CAPN5: variants seen among roughly 807,000 people sequenced by gnomAD.
CAPN5 encodes the protein calpain 5.
A neutral mutation model predicts 73.0 loss-of-function variants in CAPN5; 54 were observed. The ratio of observed to expected loss-of-function variants is 0.74; its 90% confidence interval spans 0.59 to 0.93. The LOEUF is 0.93. Among genes scored for constraint, CAPN5 ranks in the 40% least tolerant of loss-of-function variants. The probability of loss-of-function intolerance (pLI) is 0.00; values close to 1 mark genes in which losing one functional copy is unlikely to be tolerated. For synonymous variants in CAPN5, 335 were observed against 356.9 expected, an observed-to-expected ratio of 0.94 and a Z score of 0.69; for missense variants, 785 against 882.9, an observed-to-expected ratio of 0.89 and a Z score of 1.41.
In CAPN5 at chr11:77,120,873, T is replaced by C; in HGVS notation, c.1451T>C (p.Leu484Pro). Reference protein sequence around the residue: ...TFEPGHTGEFLLRVFTDVPSN... With the variant: ...TFEPGHTGEFPLRVFTDVPSN... ...GAGCCAGGCCACACTGGCGAGTTCC[T>C]GCTCCGAGTCTTCACTGATGTGCCC... Residue 484 changes from leucine (L) to proline (P), a missense_variant, in exon 10 of 13, where the codon CTG becomes CCG. Transcript: ENST00000648180. 6.2e-7 allele frequency: 1 copy of C among 1,614,114 alleles called. No homozygotes were observed. The highest frequency in any genetic ancestry group is 8.5e-7 in the Non-Finnish European group (1 of 1,179,968).
intron 1 of CAPN5, chr11:77,073,110 G>A (rs1555033369): frequency 1.6e-6 from 2 of 1,289,808 alleles, no homozygotes; most frequent in South Asian, 2.5e-5. Context: ...TTCTCTGCAG[G>A]ACCTGGTGCT....
intron 2 of CAPN5, among the ~76,000 whole-genome samples, chr11:77,089,154 G>A (rs1439733966): frequency 6.6e-6 from 1 of 152,220 alleles, no homozygotes; most frequent in Non-Finnish European, 1.5e-5. Context: ...GAAACCTAGA[G>A]AGTGTGGACA....
At chr11:77,099,727 CGGAGAGGGAGAG>C (rs1331663093) in intron 3 of CAPN5, among the ~76,000 whole-genome samples, 11 of 98,754 alleles carry the variant, frequency 1.1e-4, no homozygotes, top group Admixed American at 4.0e-4. Context: ...GAGAGGGAGA[CGGAGAGGGAGAG>C]GGAGAGGGAG....
chr11:77,123,728 A>T lies in CAPN5; in HGVS notation c.1781A>T (p.Gln594Leu), dbSNP rs533673242. The change falls in exon 13 of 13, where the codon CAG (glutamine) becomes CTG (leucine). Residue 594 changes from glutamine (Q) to leucine (L), a missense_variant. Coordinates refer to ENST00000648180, the MANE Select transcript of CAPN5 (RefSeq NM_004055.5). ...HRVLKDEFLGQVHLKADPDNL... is the reference protein window; with the variant it reads ...HRVLKDEFLGLVHLKADPDNL... ...GTGCTGAAGGATGAATTTCTGGGCC[A>T]GGTGCACCTAAAGGCTGACCCGGAC... 241 of 1,613,690 alleles carry T rather than the reference A, an allele frequency of 1.5e-4. 2 individuals are homozygous for T. The South Asian group carries it at 2.5e-3, about 17-fold the overall frequency.
chr11:77,081,736 G>A (rs891080617), intron 1 of CAPN5, among the ~76,000 whole-genome samples: 13 of 152,304 alleles, frequency 8.5e-5, no homozygotes, highest in South Asian at 4.1e-4. Context: ...ATGTGCTAGG[G>A]CTACAGTCTG....
chr11:77,070,642 T>G (rs1949894098), intron 1 of CAPN5, among the ~76,000 whole-genome samples: 1 of 152,238 alleles, frequency 6.6e-6, no homozygotes, highest in Non-Finnish European at 1.5e-5. Flanking sequence ...AGCATATTCC[T>G]TTCCTATCAC....
chr11:77,080,208 A>G lies in CAPN5; in HGVS notation c.-35-4644A>G, dbSNP rs376991142. Among the ~76,000 whole-genome samples, 27 of 152,268 alleles carry G rather than the reference A, an allele frequency of 1.8e-4. No individual in the cohort carries two copies. The East Asian group carries it at 5.2e-3, about 29-fold the overall frequency. On this transcript the variant is annotated intron_variant, in intron 1 of 12. Coordinates refer to ENST00000648180, the MANE Select transcript of CAPN5 (RefSeq NM_004055.5). ...ACTTTCTATTCTGTTCCACTGTTCTATAAGACAGTGCCCAGTGAGCTTTGT... is the reference window on the plus strand; with the variant it reads ...ACTTTCTATTCTGTTCCACTGTTCTGTAAGACAGTGCCCAGTGAGCTTTGT...
chr11:77,075,023 C>T (rs983935602), intron 1 of CAPN5, among the ~76,000 whole-genome samples: 3 of 152,202 alleles, frequency 2.0e-5, no homozygotes, highest in Non-Finnish European at 4.4e-5. Flanking sequence ...TTTTCTAGTC[C>T]GTTTCCCATG....
intron 3 of CAPN5, 50 bp from the exon 4 acceptor site, chr11:77,112,539 G>A: frequency 7.0e-7 from 1 of 1,436,600 alleles, no homozygotes; most frequent in Non-Finnish European, 9.8e-7. Flanking sequence ...CAGGAAGCCG[G>A]ACATCCCCTC....
chr11:77,073,775 A>G lies in CAPN5; in HGVS notation c.-36+6681A>G, dbSNP rs992581174. 2.0e-5 allele frequency among the ~76,000 whole-genome samples: 3 copies of G among 152,212 alleles called. No individual in the cohort carries two copies. The East Asian group carries it at 5.8e-4, about 29-fold the overall frequency. On this transcript the variant is annotated intron_variant, in intron 1 of 12. Coordinates refer to ENST00000648180, the MANE Select transcript of CAPN5 (RefSeq NM_004055.5). ...GGAAGGAGAGGGGAGGGGAGGAAAT[A>G]GACAGGATTTCCCAGCCCTGGTGCC...
intron 3 of CAPN5, among the ~76,000 whole-genome samples, chr11:77,109,237 G>T (rs1950385869): frequency 6.6e-6 from 1 of 152,204 alleles, no homozygotes; most frequent in African/African-American, 2.4e-5. Flanking sequence ...ATTGTAAAAT[G>T]CTGGTGGTCT....
At position 77,122,069 on chromosome 11, in the gene CAPN5, GT is replaced by G. The variant is rs1565280903; in HGVS notation, c.1603+21del. The G allele has an allele frequency of 7.0e-7, 1 of 1,435,756 alleles. No homozygotes were observed. 88.9% of individuals were successfully genotyped at this position (1,435,756 alleles called of 1,614,324 possible). Reference sequence around the variant, plus strand: ...CAACAGGTGAGCTCTCCCAGGGAGAGTCCCCCGGCCCTCCTGCCAGTTGTCC... The same window carrying G: ...CAACAGGTGAGCTCTCCCAGGGAGAGCCCCCGGCCCTCCTGCCAGTTGTCC... On this transcript the variant is annotated intron_variant, in intron 11 of 12. Coordinates refer to ENST00000648180, the MANE Select transcript of CAPN5 (RefSeq NM_004055.5).
At chr11:77,121,487 G>A (rs1950520020) in intron 10 of CAPN5, among the ~76,000 whole-genome samples, 1 of 152,290 alleles carries the variant, frequency 6.6e-6, no homozygotes, top group Non-Finnish European at 1.5e-5. Context: ...CCAGAGCCAG[G>A]AGGCAGCTTG....
chr11:77,115,643 G>A (rs934728511), intron 6 of CAPN5, 55 bp downstream of exon 6: 9 of 1,476,270 alleles, frequency 6.1e-6, no homozygotes, highest in Middle Eastern at 2.4e-4. Context: ...GGACAAGGAC[G>A]GGTGGGCTTC....
intron 9 of CAPN5, 59 bp from the exon 10 acceptor site, chr11:77,120,654 T>A (rs1555042588): frequency 4.2e-6 from 5 of 1,178,844 alleles, no homozygotes; most frequent in Non-Finnish European, 4.8e-6. Flanking sequence ...GGAGGCGGGG[T>A]GGGCCAGGGT....
rs150264449 is a variant in CAPN5, at chr11:77,114,987, C to T, written c.700-408C>T. ...CTGAGGCAGGAGAATTGCTTGAACCCGGGAGGCAGAAATTGTGGTGAGCCA... is the reference window on the plus strand; with the variant it reads ...CTGAGGCAGGAGAATTGCTTGAACCTGGGAGGCAGAAATTGTGGTGAGCCA... On this transcript the variant is annotated intron_variant, in intron 5 of 12. Coordinates refer to ENST00000648180, the MANE Select transcript of CAPN5 (RefSeq NM_004055.5). 7.6e-3 allele frequency among the ~76,000 whole-genome samples: 1,151 copies of T among 151,960 alleles called. 12 individuals carry two copies. Among genetic ancestry groups the T allele is most frequent in the African/African-American group, 0.026 (1,085 of 41,404 alleles).
chr11:77,118,465 C>A, intron 8 of CAPN5, 113 bp downstream of exon 8: 1 of 872,180 alleles, frequency 1.1e-6, no homozygotes, highest in Non-Finnish European at 1.7e-6. Context: ...TTCCTTGGGC[C>A]TCAGCAAACC....
chr11:77,121,221 G>T (rs1382389421), intron 10 of CAPN5, among the ~76,000 whole-genome samples: 1 of 152,254 alleles, frequency 6.6e-6, no homozygotes, highest in Admixed American at 6.5e-5. Flanking sequence ...TTCAGGGGCC[G>T]AGGTTAGAAG....
chr11:77,115,978 C>T (rs1043399603), intron 6 of CAPN5, among the ~76,000 whole-genome samples: 10 of 152,078 alleles, frequency 6.6e-5, no homozygotes, highest in African/African-American at 1.7e-4. Flanking sequence ...CCCTTCCCCC[C>T]AGTCTGCAGC....
Sources: gnomAD v4.1 joint callset for allele counts (sites outside exome capture counted in the v4.1 genomes callset) on GRCh38, gnomAD v4.1.1 for gene constraint, MANE v1.5 for transcripts, NCBI Gene and HGNC (gene_info 2026-07-23, HGNC 2026-07-21) for gene names.